The following CACNA1S variants were observed in gnomAD, a reference collection of about 807,000 sequenced individuals.
CACNA1S encodes voltage-dependent L-type calcium channel subunit alpha-1S.
A neutral mutation model predicts 207.4 loss-of-function variants in CACNA1S; 126 were observed. The ratio of observed to expected loss-of-function variants is 0.61; its 90% confidence interval spans 0.53 to 0.70. The LOEUF is 0.70. Among genes scored for constraint, CACNA1S ranks in the 30% least tolerant of loss-of-function variants. The pLI is 0.00. For missense variants in CACNA1S, 2,349 were observed against 2,422.8 expected, an observed-to-expected ratio of 0.97 and a Z score of 0.64; for synonymous variants, 960 against 932.7, an observed-to-expected ratio of 1.03 and a Z score of -0.53.
intron 38 of CACNA1S, 30 bp downstream of exon 38, chr1:201,047,085 C>T (rs775627356): frequency 3.2e-5 from 52 of 1,613,964 alleles, no homozygotes; most frequent in Admixed American, 8.3e-5. Context: ...AGTGGGGGAG[C>T]CCCTTGGAAC....
Position 201,050,380 on chromosome 1 carries a change from T to A in CACNA1S, c.4241+9A>T, listed in dbSNP as rs1558056014. 1.2e-6 allele frequency: 2 copies of A among 1,613,956 alleles called. No homozygotes were observed. The highest frequency in any genetic ancestry group is 1.7e-6 in the Non-Finnish European group (2 of 1,179,902). On this transcript the variant is annotated intron_variant, in intron 34 of 43. Coordinates refer to ENST00000362061, the MANE Select transcript of CACNA1S (RefSeq NM_000069.3). ...AGGGCCCAGCACAGAGCCTACAGAT[T>A]GGACTCACTTAGCCTCTGGGTCATA...
chr1:201,072,857 A>G, intron 15 of CACNA1S, 33 bp from the exon 16 acceptor site: 1 of 1,579,124 alleles, frequency 6.3e-7, no homozygotes, highest in Non-Finnish European at 8.7e-7. Flanking sequence ...TATAACAATG[A>G]AAAAGAAGTT....
Position 201,062,096 on chromosome 1 carries a change from G to A in CACNA1S, c.2907-6C>T. On this transcript the variant is annotated splice_region_variant and splice_polypyrimidine_tract_variant and intron_variant, in intron 23 of 43. Coordinates refer to ENST00000362061, the MANE Select transcript of CACNA1S (RefSeq NM_000069.3). ...TGTACACGTAGTAGTAGCCCCTGTG[G>A]CAGGGAGGCCCAGTCACTCCACAGG... 6.2e-7 allele frequency: 1 copy of A among 1,613,292 alleles called. No individual in the cohort carries two copies. Among genetic ancestry groups the A allele is most frequent in the South Asian group, 1.1e-5 (1 of 90,892 alleles).
chr1:201,072,632 G>C (rs868742927), intron 16 of CACNA1S, 123 bp downstream of exon 16: 1 of 779,362 alleles, frequency 1.3e-6, no homozygotes, highest in Middle Eastern at 3.1e-4. Flanking sequence ...CCGGTGTTCT[G>C]ATCTCCACAT....
intron 3 of CACNA1S, among the ~76,000 whole-genome samples, chr1:201,092,677 T>C (rs1407887543): frequency 1.3e-5 from 2 of 152,250 alleles, no homozygotes; most frequent in Admixed American, 1.3e-4. Flanking sequence ...ACATTGCGTA[T>C]GAAACAACAA....
chr1:201,049,225 G>A, intron 34 of CACNA1S, 126 bp from the exon 35 acceptor site: 1 of 701,488 alleles, frequency 1.4e-6, no homozygotes, highest in Non-Finnish European at 2.5e-6. Context: ...TTTTCCAACT[G>A]TGTTTAGGAA....
chr1:201,061,824 G>C (rs975049757), intron 24 of CACNA1S, 120 bp downstream of exon 24: 1 of 1,135,286 alleles, frequency 8.8e-7, no homozygotes, highest in Non-Finnish European at 1.3e-6. Flanking sequence ...AGAGTTGGTG[G>C]GTTTGTTGGA....
In CACNA1S at chr1:201,091,658, A is replaced by C; in HGVS notation, c.676T>G (p.Cys226Gly). 1 of 1,614,226 alleles carries C rather than the reference A, an allele frequency of 6.2e-7. No individual in the cohort carries two copies. Among genetic ancestry groups the C allele is most frequent in the Non-Finnish European group, 8.5e-7 (1 of 1,180,038 alleles). The change falls in exon 5 of 44, where the codon TGC (cysteine) becomes GGC (glycine). Residue 226 changes from cysteine (C) to glycine (G), a missense_variant. Transcript: ENST00000362061. ...AGCTCACCTGTACCAATGAAGTAGC[A>C]GGTCTTGTGCATCTTGCCCTTGAAG... Reference protein sequence around the residue: ...ELFKGKMHKTCYFIGTDIVAT... With the variant: ...ELFKGKMHKTGYFIGTDIVAT...
intron 2 of CACNA1S, among the ~76,000 whole-genome samples, chr1:201,100,162 T>C (rs1253904048): frequency 6.6e-6 from 1 of 152,052 alleles, no homozygotes; most frequent in Non-Finnish European, 1.5e-5. Flanking sequence ...GGAAAGTTGG[T>C]TCACAGGAAA....
rs538994931 is a variant in CACNA1S, at chr1:201,079,318, C to G, written c.1394-1214G>C. On this transcript the variant is annotated intron_variant, in intron 10 of 43. Coordinates refer to ENST00000362061, the MANE Select transcript of CACNA1S (RefSeq NM_000069.3). ...CCCTCACTACTTCACCAACACTACT[C>G]TCTCCAGGGGCATCGATCTGCCACA... 1.8e-4 allele frequency among the ~76,000 whole-genome samples: 27 copies of G among 152,186 alleles called. 1 individual carries two copies. In the East Asian group the frequency reaches 5.0e-3, roughly 28 times the overall value.
Position 201,065,898 on chromosome 1 carries a change from G to C in CACNA1S, c.2793C>G (p.Ile931Met). 6.2e-7 allele frequency: 1 copy of C among 1,614,122 alleles called. No individual in the cohort carries two copies. The highest frequency in any genetic ancestry group is 1.1e-5 in the South Asian group (1 of 91,076). ...ACTGTAGGAGGGTAGTGACCAGCAC[G>C]ATGTTCCCGATGGTGCTGATGGCCA... is the stretch of plus-strand genomic sequence containing the variant. ...MFVAISTIGN[I>M]VLVTTLLQFM... Residue 931 changes from isoleucine to methionine, a missense_variant, in exon 22 of 44, where the codon ATC becomes ATG. By Grantham distance (10) the Ile-to-Met change is conservative. Coordinates refer to ENST00000362061, the MANE Select transcript of CACNA1S (RefSeq NM_000069.3).
intron 34 of CACNA1S, among the ~76,000 whole-genome samples, 184 bp from the exon 35 acceptor site, chr1:201,049,283 C>T (rs1660575197): frequency 6.6e-6 from 1 of 152,250 alleles, no homozygotes; most frequent in Non-Finnish European, 1.5e-5. Context: ...TTAGGATTAA[C>T]TGTTGTCTAC....
intron 3 of CACNA1S, among the ~76,000 whole-genome samples, chr1:201,093,095 G>T (rs1015461622): frequency 6.6e-6 from 1 of 152,208 alleles, no homozygotes; most frequent in Admixed American, 6.5e-5. Flanking sequence ...TTATCATTAC[G>T]TGGTAGTTAC....
Position 201,066,154 on chromosome 1 carries a change from G to T in CACNA1S, c.2745+75C>A. The T allele has an allele frequency of 7.1e-7, 1 of 1,412,498 alleles. No homozygotes were observed. The highest frequency in any genetic ancestry group is 1.0e-6 in the Non-Finnish European group (1 of 998,138). 87.5% of individuals were successfully genotyped at this position (1,412,498 alleles called of 1,614,324 possible). On this transcript the variant is annotated intron_variant, in intron 21 of 43. Transcript: ENST00000362061. The surrounding 1 kb of genome is among the most constrained non-coding windows in gnomAD (Gnocchi z 4.3). ...CAGGGGTCCCAGCCATGGCTGGGCT[G>T]AGGTTTCTGGAGCGAGGAGGCCCCT...
intron 3 of CACNA1S, among the ~76,000 whole-genome samples, chr1:201,092,369 G>C (rs992207349): frequency 7.2e-5 from 11 of 152,176 alleles, no homozygotes; most frequent in Non-Finnish European, 1.6e-4. Flanking sequence ...TACTTTGGGT[G>C]CTGAACGGGG....
chr1:201,106,577 A>G (rs1041532919), intron 2 of CACNA1S, among the ~76,000 whole-genome samples: 1 of 152,162 alleles, frequency 6.6e-6, no homozygotes, highest in Non-Finnish European at 1.5e-5. Context: ...AAGGTACTAA[A>G]TATAAAGCTT....
chr1:201,065,886 A>C lies in CACNA1S; in HGVS notation c.2805T>G (p.Thr935=). The C allele has an allele frequency of 6.2e-7, 1 of 1,614,134 alleles. No individual in the cohort carries two copies. Among genetic ancestry groups the C allele is most frequent in the Non-Finnish European group, 8.5e-7 (1 of 1,179,992 alleles). The change falls in exon 22 of 44, where the codon ACT becomes ACG. Residue 935 remains threonine, a synonymous_variant. Transcript: ENST00000362061. ...ISTIGNIVLV[T]TLLQFMFACI... is the part of the protein sequence containing the mutation. Reference sequence around the variant, plus strand: ...AGGCAAACATGAACTGTAGGAGGGTAGTGACCAGCACGATGTTCCCGATGG... The same window carrying C: ...AGGCAAACATGAACTGTAGGAGGGTCGTGACCAGCACGATGTTCCCGATGG...
intron 10 of CACNA1S, among the ~76,000 whole-genome samples, chr1:201,081,149 C>T (rs1016463622): frequency 6.6e-6 from 1 of 152,148 alleles, no homozygotes; most frequent in African/African-American, 2.4e-5. Flanking sequence ...AGTGCCAGTT[C>T]CCACCTCATG....
At chr1:201,095,958 G>A (rs753056809) in intron 2 of CACNA1S, among the ~76,000 whole-genome samples, 1 of 152,228 alleles carries the variant, frequency 6.6e-6, no homozygotes, top group Non-Finnish European at 1.5e-5. Context: ...GTGTAAGGGA[G>A]GAGAGTGAAG....
Sources: gnomAD v4.1 joint callset for allele counts (sites outside exome capture counted in the v4.1 genomes callset) on GRCh38, gnomAD v4.1.1 for gene constraint, Gnocchi (gnomAD v3.1) non-coding constraint, MANE v1.5 for transcripts, NCBI Gene and HGNC (gene_info 2026-07-23, HGNC 2026-07-21) for gene names.